Variants in FGF3 observed in about 807,000 individuals in gnomAD.
FGF3 encodes FGF-3.
Under a neutral mutation model 9.8 loss-of-function variants are expected in FGF3, and 7 were observed. That is an observed-to-expected ratio of 0.72 (90% confidence interval 0.41 to 1.35). FGF3 has a LOEUF of 1.35. Ranked by LOEUF, FGF3 falls within the 40% of genes most tolerant of loss-of-function variation. The pLI, the probability that FGF3 is intolerant of heterozygous loss-of-function variation, is 0.01. For synonymous variants in FGF3, 173 were observed against 157.2 expected (o/e 1.10, Z -0.75); for missense variants, 390 against 345.6 (o/e 1.13, Z -1.02).
rs782459734 is a variant in FGF3 at position 69,810,600 on chromosome 11, C to G, written c.425G>C (p.Gly142Ala). The change falls in exon 3 of 3, where the codon GGG becomes GCG. Residue 142 changes from glycine to alanine, a missense_variant. Physicochemically the swap from Gly to Ala is moderately conservative, Grantham distance 60. Transcript: ENST00000334134. ...RLYRTVSSTPGARRQPSAERL... is the reference protein window; with the variant it reads ...RLYRTVSSTPAARRQPSAERL... ...CTCGGCGCTGGGCTGCCGGCGGGCCCCAGGCGTACTAGACACCGTCCGGTA... is the reference window on the plus strand; with the variant it reads ...CTCGGCGCTGGGCTGCCGGCGGGCCGCAGGCGTACTAGACACCGTCCGGTA... 3.1e-6 allele frequency: 5 copies of G among 1,611,220 alleles called. No individual in the cohort carries two copies. Among genetic ancestry groups the G allele is most frequent in the Non-Finnish European group, 4.2e-6 (5 of 1,178,664 alleles).
In FGF3 at chr11:69,818,891, C is replaced by T. The variant is rs781913822; in HGVS notation, c.43G>A (p.Gly15Ser). The T allele has an allele frequency of 5.5e-5, 80 of 1,465,070 alleles. No homozygotes were observed. In the African/African-American group the frequency reaches 1.0e-3, roughly 18 times the overall value. The allele number at this position is 1,465,070 out of a possible 1,614,324, so 90.8% of individuals were successfully genotyped here. A position where few individuals can be genotyped will look rare whatever the true frequency, so the allele number is the denominator to read the frequency against. The change falls in exon 1 of 3, where the codon GGC becomes AGC. Residue 15 changes from glycine (G) to serine (S), a missense_variant. Physicochemically the swap from Gly to Ser is moderately conservative, Grantham distance 56. Transcript: ENST00000334134. ...WLLLLSLLEP[G>S]WPAAGPGARL... Reference sequence around the variant, plus strand: ...GCCCCAGGGCCCGCTGCGGGCCAGCCGGGCTCCAGCAGGCTGAGCAGTAGC... The same window carrying T: ...GCCCCAGGGCCCGCTGCGGGCCAGCTGGGCTCCAGCAGGCTGAGCAGTAGC...
At chr11:69,818,459 C>T (rs1206210708) in intron 1 of FGF3, among the ~76,000 whole-genome samples, 1 of 152,126 alleles carries the variant, frequency 6.6e-6, no homozygotes, top group Non-Finnish European at 1.5e-5. Context: ...ACGCCCATGC[C>T]CCCGAGTTCT....
Position 69,810,009 on chromosome 11 carries a change from C to G in FGF3, c.*296G>C. 1 of 421,516 alleles carries G rather than the reference C, an allele frequency of 2.4e-6. No homozygotes were observed. 26.1% of individuals were successfully genotyped at this position (421,516 alleles called of 1,614,324 possible). On this transcript the variant is annotated 3_prime_UTR_variant, in exon 3 of 3. Coordinates refer to ENST00000334134, the MANE Select transcript of FGF3 (RefSeq NM_005247.4). Reference sequence around the variant, plus strand: ...AATGTTGTGATGACACAAAGCCCCACACTGCCCCGCTGCTCCTGGGAGGCT... The same window carrying G: ...AATGTTGTGATGACACAAAGCCCCAGACTGCCCCGCTGCTCCTGGGAGGCT...
chr11:69,817,916 C>T (rs1445857759), intron 1 of FGF3, among the ~76,000 whole-genome samples: 1 of 152,158 alleles, frequency 6.6e-6, no homozygotes, highest in African/African-American at 2.4e-5. Flanking sequence ...CCGCGGTGAG[C>T]GCAGCCCGGG....
Position 69,810,236 on chromosome 11 carries a change from A to G in FGF3, c.*69T>C. 1 of 1,387,392 alleles carries G rather than the reference A, an allele frequency of 7.2e-7. No homozygotes were observed. Among genetic ancestry groups the G allele is most frequent in the Non-Finnish European group, 9.7e-7 (1 of 1,030,138 alleles). The allele number at this position is 1,387,392 out of a possible 1,614,324, so 85.9% of individuals were successfully genotyped here. A position where few individuals can be genotyped will look rare whatever the true frequency, so the allele number is the denominator to read the frequency against. On this transcript the variant is annotated 3_prime_UTR_variant, in exon 3 of 3. Coordinates refer to ENST00000334134, the MANE Select transcript of FGF3 (RefSeq NM_005247.4). The stretch of plus-strand genomic sequence containing the variant: ...ACGCAGGGGCAAGGGCTCAAGGAGG[A>G]GAGTCAGAGTCAAGAGGCTGCCACG...
In FGF3 at chr11:69,816,310, C is replaced by T; in HGVS notation, c.324+10G>A. Reference sequence around the variant, plus strand: ...CGTCAGCGCCCACCCACGTGACAGCCTGGACTCACCGAAGCATAGAGTCGT... The same window carrying T: ...CGTCAGCGCCCACCCACGTGACAGCTTGGACTCACCGAAGCATAGAGTCGT... On this transcript the variant is annotated intron_variant, in intron 2 of 2. Coordinates refer to ENST00000334134, the MANE Select transcript of FGF3 (RefSeq NM_005247.4). 6.2e-7 allele frequency: 1 copy of T among 1,607,828 alleles called. No individual in the cohort carries two copies. The highest frequency in any genetic ancestry group is 8.5e-7 in the Non-Finnish European group (1 of 1,174,316).
At chr11:69,817,972 C>A (rs1239309992) in intron 1 of FGF3, among the ~76,000 whole-genome samples, 1 of 152,362 alleles carries the variant, frequency 6.6e-6, no homozygotes, top group Non-Finnish European at 1.5e-5. Context: ...GTCTGCACCC[C>A]CAGGCCCGGG....
chr11:69,813,632 A>ATGGATGGG (rs1565114819), intron 2 of FGF3, among the ~76,000 whole-genome samples: 5 of 108,106 alleles, frequency 4.6e-5, no homozygotes, highest in African/African-American at 1.8e-4. Flanking sequence ...GGATGGATGG[A>ATGGATGGG]TGGATGGGTG....
intron 2 of FGF3, 134 bp downstream of exon 2, chr11:69,816,186 G>T: frequency 1.3e-6 from 1 of 766,918 alleles, no homozygotes; most frequent in Non-Finnish European, 2.3e-6. Context: ...CCCTGGGCCA[G>T]GGTCTGGTCC....
intron 2 of FGF3, among the ~76,000 whole-genome samples, chr11:69,815,949 AG>A (rs1856125429): frequency 6.6e-6 from 1 of 152,184 alleles, no homozygotes; most frequent in South Asian, 2.1e-4. Context: ...GGCTGCCCCA[AG>A]GAACACTCCC....
chr11:69,811,003 G>A (rs564479016), intron 2 of FGF3, among the ~76,000 whole-genome samples: 3 of 152,378 alleles, frequency 2.0e-5, no homozygotes, highest in East Asian at 1.9e-4. Context: ...ATCTGAGGGC[G>A]CTGACACAGC....
Position 69,810,563 on chromosome 11 carries a change from G to A in FGF3, c.462C>T (p.Tyr154=), listed in dbSNP as rs782712529. ...RRQPSAERLW[Y]VSVNGKGRPR... ...GCCGGCCCTTGCCGTTCACAGACAC[G>A]TACCACAGTCTCTCGGCGCTGGGCT... The change falls in exon 3 of 3, where the codon TAC becomes TAT. Residue 154 remains tyrosine, a synonymous_variant. Transcript: ENST00000334134. The A allele has an allele frequency of 3.3e-5, 54 of 1,612,622 alleles. No homozygotes were observed. Among genetic ancestry groups the A allele is most frequent in the African/African-American group, 1.3e-4 (10 of 74,934 alleles).
chr11:69,813,696 ATGGATAGG>A (rs1856068143), intron 2 of FGF3, among the ~76,000 whole-genome samples: 1 of 97,752 alleles, frequency 1.0e-5, no homozygotes, highest in Admixed American at 9.5e-5. Flanking sequence ...GGGTGGATGG[ATGGATAGG>A]TGGATGGATG....
At position 69,818,865 on chromosome 11, in the gene FGF3, C is replaced by A. The variant is rs41538178; in HGVS notation, c.69G>T (p.Ala23=). 0.1 allele frequency: 148,238 copies of A among 1,460,720 alleles called. 8,019 individuals are homozygous for A. Among genetic ancestry groups the A allele is most frequent in the African/African-American group, 0.12 (7,859 of 67,564 alleles). The allele number at this position is 1,460,720 out of a possible 1,614,324, so 90.5% of individuals were successfully genotyped here. A position where few individuals can be genotyped will look rare whatever the true frequency, so the allele number is the denominator to read the frequency against. Reference sequence around the variant, plus strand: ...GGCCGCCCGCATCGCGCCGCAACCGCGCCCCAGGGCCCGCTGCGGGCCAGC... The same window carrying A: ...GGCCGCCCGCATCGCGCCGCAACCGAGCCCCAGGGCCCGCTGCGGGCCAGC... ...EPGWPAAGPG[A]RLRRDAGGRG... is the part of the protein sequence containing the mutation. Residue 23 remains alanine (A), a synonymous_variant, in exon 1 of 3, where the codon GCG becomes GCT. Coordinates refer to ENST00000334134, the MANE Select transcript of FGF3 (RefSeq NM_005247.4).
chr11:69,811,387 T>C (rs144272943), intron 2 of FGF3, among the ~76,000 whole-genome samples: 2,804 of 142,814 alleles, frequency 0.02, 35 homozygotes, highest in Non-Finnish European at 0.03. Context: ...GAGGCAGAGG[T>C]TGCAGTGAGC....
chr11:69,813,888 G>GGA (rs1856082540), intron 2 of FGF3, among the ~76,000 whole-genome samples: 2 of 84,726 alleles, frequency 2.4e-5, no homozygotes, highest in African/African-American at 4.4e-5. Context: ...GGATGGATGG[G>GGA]TGGATGGCTG....
rs1554980325 is a variant in FGF3 at position 69,810,469 on chromosome 11, T to C, written c.556A>G (p.Arg186Gly). The C allele has an allele frequency of 1.2e-6, 2 of 1,604,990 alleles. No individual in the cohort carries two copies. The highest frequency in any genetic ancestry group is 1.3e-5 in the African/African-American group (1 of 74,886). ...SLFLPRVLDH[R>G]DHEMVRQLQS... is the part of the protein sequence containing the mutation. ...AGCTGCCGCACCATCTCGTGGTCCCTGTGGTCCAGCACGCGGGGCAGGAAC... is the reference window on the plus strand; with the variant it reads ...AGCTGCCGCACCATCTCGTGGTCCCCGTGGTCCAGCACGCGGGGCAGGAAC... Residue 186 changes from arginine to glycine, a missense_variant, in exon 3 of 3, where the codon AGG (arginine) becomes GGG (glycine). Coordinates refer to ENST00000334134, the MANE Select transcript of FGF3 (RefSeq NM_005247.4).
rs782653936 is a variant in FGF3, at chr11:69,810,520, T to C, written c.505A>G (p.Thr169Ala). The change falls in exon 3 of 3, where the codon ACC becomes GCC. Residue 169 changes from threonine (T) to alanine (A), a missense_variant. Physicochemically the swap from Thr to Ala is moderately conservative, Grantham distance 58. Coordinates refer to ENST00000334134, the MANE Select transcript of FGF3 (RefSeq NM_005247.4). ...GKGRPRRGFK[T>A]RRTQKSSLFL... ...AGGGAGGACTTCTGTGTGCGGCGGG[T>C]CTTGAAGCCCCTGCGGGGCCGGCCC... The C allele has an allele frequency of 6.2e-7, 1 of 1,602,162 alleles. No individual in the cohort carries two copies. Among genetic ancestry groups the C allele is most frequent in the Non-Finnish European group, 8.5e-7 (1 of 1,174,794 alleles).
intron 1 of FGF3, among the ~76,000 whole-genome samples, chr11:69,818,495 T>A (rs1388350744): frequency 6.6e-6 from 1 of 151,866 alleles, no homozygotes; most frequent in African/African-American, 2.4e-5. Flanking sequence ...CGCGCTCTTC[T>A]CCCGGACGTG....
Sources: allele counts gnomAD v4.1 joint callset (sites outside exome capture counted in the v4.1 genomes callset), GRCh38; gene constraint gnomAD v4.1.1; transcripts MANE v1.5; gene names NCBI Gene and HGNC (gene_info 2026-07-23, HGNC 2026-07-21).